MAP2K5: variants seen among roughly 807,000 people sequenced by gnomAD.
MAP2K5 encodes the protein mitogen-activated protein kinase kinase 5.
MAP2K5 carries 49 observed loss-of-function variants against 83.1 expected under a neutral mutation model. That is an observed-to-expected ratio of 0.59 (90% confidence interval 0.47 to 0.75). MAP2K5 has a LOEUF of 0.75. Ranked by LOEUF, MAP2K5 falls within the 30% of genes least tolerant of loss-of-function variation. The probability of loss-of-function intolerance (pLI) is 0.00; values close to 1 mark genes in which losing one functional copy is unlikely to be tolerated. For synonymous variants in MAP2K5, 202 were observed against 191.8 expected, an observed-to-expected ratio of 1.05 and a Z score of -0.44; for missense variants, 457 against 557.5, an observed-to-expected ratio of 0.82 and a Z score of 1.82.
intron 8 of MAP2K5, among the ~76,000 whole-genome samples, chr15:67,608,489 G>A (rs2085831458): frequency 1.3e-5 from 2 of 152,140 alleles, no homozygotes; most frequent in South Asian, 4.1e-4. Flanking sequence ...GTATGCACAG[G>A]ACCCCACAGT....
At chr15:67,569,198 T>C (rs1220900526) in intron 3 of MAP2K5, among the ~76,000 whole-genome samples, 1 of 152,198 alleles carries the variant, frequency 6.6e-6, no homozygotes, top group African/African-American at 2.4e-5. Flanking sequence ...GGTTAGAAGC[T>C]CATTTTCCAC....
At chr15:67,773,299 A>G (rs2090176491) in intron 21 of MAP2K5, among the ~76,000 whole-genome samples, 1 of 152,180 alleles carries the variant, frequency 6.6e-6, no homozygotes, top group South Asian at 2.1e-4. Context: ...TCAAGCAGGG[A>G]GAGGAACAGA....
chr15:67,604,127 GC>G (rs2085726341), intron 8 of MAP2K5, among the ~76,000 whole-genome samples: 1 of 152,068 alleles, frequency 6.6e-6, no homozygotes, highest in African/African-American at 2.4e-5. Context: ...TGAAATTCTG[GC>G]CCCAGACATT....
intron 20 of MAP2K5, among the ~76,000 whole-genome samples, chr15:67,771,086 A>G (rs950111279): frequency 2.0e-5 from 3 of 152,046 alleles, no homozygotes; most frequent in African/African-American, 7.2e-5. Flanking sequence ...AGAAATGTAT[A>G]TCCCTCTTAA....
At chr15:67,713,684 C>T (rs1046546131) in intron 16 of MAP2K5, among the ~76,000 whole-genome samples, 3 of 151,574 alleles carry the variant, frequency 2.0e-5, no homozygotes, top group African/African-American at 7.3e-5. Flanking sequence ...TGCAGTGAGC[C>T]GAGATCACGC....
rs1350441744 is a variant in MAP2K5, at chr15:67,720,413, T to C, written c.1045-7503T>C. ...AAAATGATGTAAGTGAAATAGCGTATGGGAGAGGAAGGAGAATTATGTGTT... is the reference window on the plus strand; with the variant it reads ...AAAATGATGTAAGTGAAATAGCGTACGGGAGAGGAAGGAGAATTATGTGTT... On this transcript the variant is annotated intron_variant, in intron 16 of 21. Transcript: ENST00000178640. This position sits in a 1 kb window ranked among gnomAD's most constrained non-coding sequence, Gnocchi z 5.7. Among the ~76,000 whole-genome samples, 1 of 152,000 alleles carries C rather than the reference T, an allele frequency of 6.6e-6. No homozygotes were observed. The highest frequency in any genetic ancestry group is 2.4e-5 in the African/African-American group (1 of 41,348).
chr15:67,752,562 C>T (rs1596911486), intron 19 of MAP2K5, among the ~76,000 whole-genome samples: 1 of 151,662 alleles, frequency 6.6e-6, no homozygotes, highest in East Asian at 2.0e-4. Context: ...CCTGTAATCC[C>T]CACTATTCGG....
At chr15:67,671,075 G>C (rs2087522563) in intron 13 of MAP2K5, among the ~76,000 whole-genome samples, 1 of 152,202 alleles carries the variant, frequency 6.6e-6, no homozygotes, top group Non-Finnish European at 1.5e-5. Flanking sequence ...GATCACTCCT[G>C]TTCTCTTTGC....
chr15:67,620,246 C>G (rs1274312701), intron 8 of MAP2K5, among the ~76,000 whole-genome samples: 1 of 152,094 alleles, frequency 6.6e-6, no homozygotes, highest in Admixed American at 6.5e-5. Context: ...TGGTGGGCAC[C>G]TGTAGACCCA....
rs557340080 is a variant in MAP2K5 at position 67,801,266 on chromosome 15, C to T, written c.1243-5380C>T. Among the ~76,000 whole-genome samples, 47 of 152,318 alleles carry T rather than the reference C, an allele frequency of 3.1e-4. No individual in the cohort carries two copies. The highest frequency in any genetic ancestry group is 5.4e-4 in the Non-Finnish European group (37 of 68,050). ...GCAGTGGGTTGGCATGTGGAGGTCC[C>T]TTCGGCCTCTCAAATCACCATTTAC... On this transcript the variant is annotated intron_variant, in intron 21 of 21. Transcript: ENST00000178640. This position sits in a 1 kb window ranked among gnomAD's most constrained non-coding sequence, Gnocchi z 4.8.
chr15:67,600,218 G>A (rs1244980839), intron 7 of MAP2K5, among the ~76,000 whole-genome samples: 1 of 152,122 alleles, frequency 6.6e-6, no homozygotes, highest in Non-Finnish European at 1.5e-5. Flanking sequence ...TATTTAGTTT[G>A]TTAAATGTTA....
intron 4 of MAP2K5, among the ~76,000 whole-genome samples, chr15:67,581,271 T>C (rs189712022): frequency 9.6e-4 from 146 of 152,312 alleles, no homozygotes; most frequent in African/African-American, 3.4e-3. Context: ...TCTGGTTTTT[T>C]GAGGAGGTAT....
chr15:67,659,725 A>C (rs2087188870), intron 12 of MAP2K5, among the ~76,000 whole-genome samples: 1 of 152,146 alleles, frequency 6.6e-6, no homozygotes, highest in Non-Finnish European at 1.5e-5. Flanking sequence ...GGGCAAAAAA[A>C]GGCAAGGATA....
chr15:67,624,660 G>A (rs941750911), intron 8 of MAP2K5, among the ~76,000 whole-genome samples: 7 of 144,996 alleles, frequency 4.8e-5, no homozygotes, highest in South Asian at 2.3e-4. Context: ...ACGGAGTTTC[G>A]CTCTTGTTTC....
chr15:67,660,981 T>G (rs1005490620), intron 12 of MAP2K5, among the ~76,000 whole-genome samples: 1 of 152,122 alleles, frequency 6.6e-6, no homozygotes, highest in African/African-American at 2.4e-5. Context: ...CAGATTCTTT[T>G]CATGTCTTTA....
chr15:67,639,680 G>A (rs1167180979), intron 9 of MAP2K5, among the ~76,000 whole-genome samples: 1 of 152,148 alleles, frequency 6.6e-6, no homozygotes, highest in African/African-American at 2.4e-5. Context: ...TTAGAGGATG[G>A]AATTCAAGAT....
intron 8 of MAP2K5, among the ~76,000 whole-genome samples, chr15:67,626,789 G>A (rs1244541592): frequency 6.6e-6 from 1 of 151,170 alleles, no homozygotes; most frequent in African/African-American, 2.4e-5. Flanking sequence ...AGTACCAGCG[G>A]TTTGGGAGGC....
rs748760828 is a variant in MAP2K5, at chr15:67,793,870, G to A, written c.1243-12776G>A. ...TTTTATTTTCTGAGAGGACCAAAGA[G>A]TCATGAATGTGCCAGGGAAAGTCCT... is the stretch of plus-strand genomic sequence containing the variant. On this transcript the variant is annotated intron_variant, in intron 21 of 21. Coordinates refer to ENST00000178640, the MANE Select transcript of MAP2K5 (RefSeq NM_145160.3). This position sits in a 1 kb window ranked among gnomAD's most constrained non-coding sequence, Gnocchi z 4.6. 6.6e-6 allele frequency among the ~76,000 whole-genome samples: 1 copy of A among 152,212 alleles called. No homozygotes were observed. Among genetic ancestry groups the A allele is most frequent in the Non-Finnish European group, 1.5e-5 (1 of 68,042 alleles).
intron 8 of MAP2K5, among the ~76,000 whole-genome samples, chr15:67,622,334 A>C (rs980132128): frequency 6.6e-6 from 1 of 152,118 alleles, no homozygotes; most frequent in Non-Finnish European, 1.5e-5. Flanking sequence ...AGCACGTTTG[A>C]TGGAACAGAG....
Sources: gnomAD v4.1 joint callset for allele counts (sites outside exome capture counted in the v4.1 genomes callset) on GRCh38, gnomAD v4.1.1 for gene constraint, Gnocchi (gnomAD v3.1) non-coding constraint, MANE v1.5 for transcripts, NCBI Gene and HGNC (gene_info 2026-07-23, HGNC 2026-07-21) for gene names.